Variants in KCNG4 observed in about 807,000 individuals in gnomAD.
KCNG4 encodes the protein potassium voltage-gated channel modifier subfamily G member 4.
In KCNG4, 30 loss-of-function variants were observed where a neutral mutation model predicts 28.2. That is an observed-to-expected ratio of 1.06 (90% CI 0.80 to 1.44). The LOEUF (loss-of-function observed/expected upper bound fraction) is 1.44. Among genes scored for constraint, KCNG4 ranks in the 40% most tolerant of loss-of-function variants. The pLI, the probability that KCNG4 is intolerant of heterozygous loss-of-function variation, is 0.00. For synonymous variants in KCNG4, 375 were observed against 315.5 expected, an observed-to-expected ratio of 1.19 and a Z score of -2.00; for missense variants, 879 against 712.3, an observed-to-expected ratio of 1.23 and a Z score of -2.66.
rs39554 is a variant in KCNG4 at position 84,220,161 on chromosome 16, G to C, written c.*2056C>G. 0.73 allele frequency: 110,977 copies of C among 152,192 alleles called. 41,544 individuals are homozygous for C. Among genetic ancestry groups the C allele is most frequent in the African/African-American group, 0.91 (37,683 of 41,542 alleles). The allele number at this position is 152,192 out of a possible 1,614,324, so 9.4% of individuals were successfully genotyped here. A position where few individuals can be genotyped will look rare whatever the true frequency, so the allele number is the denominator to read the frequency against. ...GGTGCCTGTGACATGGAATTTCTAC[G>C]CAACGCTTATGGGAATCTGCCTGTC... On this transcript the variant is annotated 3_prime_UTR_variant, in exon 3 of 3. Transcript: ENST00000308251.
chr16:84,228,437 C>T (rs1398351235), intron 2 of KCNG4, among the ~76,000 whole-genome samples: 1 of 152,070 alleles, frequency 6.6e-6, no homozygotes, highest in Non-Finnish European at 1.5e-5. Flanking sequence ...CTCTGAGGCT[C>T]TCCTGGGGCC....
intron 2 of KCNG4, among the ~76,000 whole-genome samples, chr16:84,228,980 G>T (rs539007298): frequency 3.3e-5 from 5 of 152,346 alleles, no homozygotes; most frequent in African/African-American, 1.2e-4. Flanking sequence ...TCTTCTAGAG[G>T]TTCCAGCAAA....
At position 84,222,157 on chromosome 16, in the gene KCNG4, G is replaced by T; in HGVS notation, c.*60C>A. ...CAGGTGGTCTATGCGGGGTACCCTTGAGTGTGTTTCAGGCAGGGTGATGGG... is the reference window on the plus strand; with the variant it reads ...CAGGTGGTCTATGCGGGGTACCCTTTAGTGTGTTTCAGGCAGGGTGATGGG... On this transcript the variant is annotated 3_prime_UTR_variant, in exon 3 of 3. Transcript: ENST00000308251. 1 of 1,543,584 alleles carries T rather than the reference G, an allele frequency of 6.5e-7. No individual in the cohort carries two copies.
At chr16:84,233,405 C>T (rs1224538366) in intron 2 of KCNG4, among the ~76,000 whole-genome samples, 1 of 152,106 alleles carries the variant, frequency 6.6e-6, no homozygotes, top group Non-Finnish European at 1.5e-5. Context: ...CGAAGTGGCC[C>T]AGAATTGAAA....
intron 2 of KCNG4, among the ~76,000 whole-genome samples, chr16:84,228,135 G>A (rs1442210605): frequency 6.6e-6 from 1 of 152,226 alleles, no homozygotes; most frequent in Non-Finnish European, 1.5e-5. Context: ...GGCTTCCTGA[G>A]GGCAAAGCTG....
rs770214632 is a variant in KCNG4, at chr16:84,237,465, G to C, written c.21C>G (p.Asp7Glu). 5.3e-6 allele frequency: 8 copies of C among 1,499,350 alleles called. No homozygotes were observed. In the Admixed American group the frequency reaches 1.6e-4, roughly 31 times the overall value. 92.9% of individuals were successfully genotyped at this position (1,499,350 alleles called of 1,614,324 possible). The part of the protein sequence containing the change: MPMPSR[D>E]GGLHPRHHHY... ...GGTGGTGTCTGGGATGCAGGCCCCC[G>C]TCTCTGGAAGGCATGGGCATTGCTG... is the stretch of plus-strand genomic sequence containing the variant. The change falls in exon 2 of 3, where the codon GAC (aspartate) becomes GAG (glutamate). Residue 7 changes from aspartate to glutamate, a missense_variant. Physicochemically the swap from Asp to Glu is conservative, Grantham distance 45. Coordinates refer to ENST00000308251, the MANE Select transcript of KCNG4 (RefSeq NM_172347.3).
chr16:84,222,600 C>A lies in KCNG4; in HGVS notation c.1177G>T (p.Glu393Ter). 2 of 1,613,338 alleles carry A rather than the reference C, an allele frequency of 1.2e-6. No individual in the cohort carries two copies. The highest frequency in any genetic ancestry group is 1.6e-4 in the Middle Eastern group (1 of 6,062). ...TLFSPLVYVAEKESGRVLEFT... is the reference protein window; with the variant it reads ...TLFSPLVYVA Reference sequence around the variant, plus strand: ...TCCAGCACCCGCCCGGACTCCTTCTCGGCCACGTAGACCAAAGGGGAGAAG... The same window carrying A: ...TCCAGCACCCGCCCGGACTCCTTCTAGGCCACGTAGACCAAAGGGGAGAAG... The change falls in exon 3 of 3, where the codon GAG becomes TAG. Residue 393 changes from glutamate (E) to a stop codon, truncating the protein, a stop_gained. Coordinates refer to ENST00000308251, the MANE Select transcript of KCNG4 (RefSeq NM_172347.3). LOFTEE classifies it high-confidence loss of function.
chr16:84,238,555 T>C (rs2151341676), intron 1 of KCNG4, among the ~76,000 whole-genome samples: 1 of 152,328 alleles, frequency 6.6e-6, no homozygotes, highest in East Asian at 1.9e-4. Flanking sequence ...TCCCCCTCTC[T>C]GGGCCCGCAG....
chr16:84,222,944 C>G lies in KCNG4; in HGVS notation c.833G>C (p.Cys278Ser). The G allele has an allele frequency of 1.3e-6, 2 of 1,589,950 alleles. No individual in the cohort carries two copies. The highest frequency in any genetic ancestry group is 1.7e-6 in the Non-Finnish European group (2 of 1,167,154). The change falls in exon 3 of 3, where the codon TGC (cysteine) becomes TCC (serine). Residue 278 changes from cysteine to serine, a missense_variant. Cys to Ser is a moderately radical substitution (Grantham distance 112, BLOSUM62 -1). Transcript: ENST00000308251. ...GTCTTGGGCCTGGACAAACCGCAGG[C>G]AGAACTCCAGGGAGAACCAGGCCAC... is the stretch of plus-strand genomic sequence containing the variant. Reference protein sequence around the residue: ...ICVAWFSLEFCLRFVQAQDKC... With the variant: ...ICVAWFSLEFSLRFVQAQDKC...
chr16:84,223,059 G>A (rs1904618399), intron 2 of KCNG4, 39 bp from the exon 3 acceptor site: 1 of 1,465,728 alleles, frequency 6.8e-7, no homozygotes, highest in Non-Finnish European at 9.2e-7. Flanking sequence ...GTAGAGAGTG[G>A]ACTTGCAACT....
rs763545821 is a variant in KCNG4, at chr16:84,237,214, C to T, written c.272G>A (p.Cys91Tyr). The T allele has an allele frequency of 6.2e-7, 1 of 1,614,170 alleles. No homozygotes were observed. The highest frequency in any genetic ancestry group is 8.5e-7 in the Non-Finnish European group (1 of 1,180,048). ...CTGCACGATCTCCTCGTAGCTCCGA[C>T]AGAGCCTGAGTTTGCTCAGGCGGCT... Reference protein sequence around the residue: ...PLSRLSKLRLCRSYEEIVQLC... With the variant: ...PLSRLSKLRLYRSYEEIVQLC... The change falls in exon 2 of 3, where the codon TGT (cysteine) becomes TAT (tyrosine). Residue 91 changes from cysteine to tyrosine, a missense_variant. Coordinates refer to ENST00000308251, the MANE Select transcript of KCNG4 (RefSeq NM_172347.3).
Position 84,221,102 on chromosome 16 carries a change from G to C in KCNG4, c.*1115C>G, listed in dbSNP as rs1343252179. ...TCTCCAGTGACTCAGACCTCCATCT[G>C]CCTCCTCCCCTGGATGCAAAGGACA... On this transcript the variant is annotated 3_prime_UTR_variant, in exon 3 of 3. Transcript: ENST00000308251. 1 of 152,306 alleles carries C rather than the reference G, an allele frequency of 6.6e-6. No individual in the cohort carries two copies. Among genetic ancestry groups the C allele is most frequent in the Non-Finnish European group, 1.5e-5 (1 of 68,144 alleles). The allele number at this position is 152,306 out of a possible 1,614,324, so 9.4% of individuals were successfully genotyped here.
In KCNG4 at chr16:84,220,880, A is replaced by T. The variant is rs1404935777; in HGVS notation, c.*1337T>A. ...TCCAGCCTCATCATCTCCCTAACCC[A>T]CAGCCTGTGCACATCACTCTGCCCT... On this transcript the variant is annotated 3_prime_UTR_variant, in exon 3 of 3. Coordinates refer to ENST00000308251, the MANE Select transcript of KCNG4 (RefSeq NM_172347.3). The T allele has an allele frequency of 3.3e-5, 5 of 152,232 alleles. No individual in the cohort carries two copies. Among genetic ancestry groups the T allele is most frequent in the Non-Finnish European group, 5.9e-5 (4 of 68,100 alleles). The allele number at this position is 152,232 out of a possible 1,614,324, so 9.4% of individuals were successfully genotyped here.
At chr16:84,227,623 A>T (rs1231341330) in intron 2 of KCNG4, among the ~76,000 whole-genome samples, 4 of 152,206 alleles carry the variant, frequency 2.6e-5, no homozygotes, top group African/African-American at 7.2e-5. Flanking sequence ...TGTACACAAA[A>T]GTCCATGGTA....
At chr16:84,231,437 G>T (rs989982867) in intron 2 of KCNG4, among the ~76,000 whole-genome samples, 3 of 152,198 alleles carry the variant, frequency 2.0e-5, no homozygotes, top group Non-Finnish European at 4.4e-5. Flanking sequence ...CTGCCAGGAG[G>T]GAGGGAAAGG....
Position 84,237,195 on chromosome 16 carries a change from G to A in KCNG4, c.291C>T (p.Ile97=), listed in dbSNP as rs756630407. The change falls in exon 2 of 3, where the codon ATC becomes ATT. Residue 97 remains isoleucine, a synonymous_variant. Coordinates refer to ENST00000308251, the MANE Select transcript of KCNG4 (RefSeq NM_172347.3). ...KLRLCRSYEE[I]VQLCDDYDED... ...CGTCGTAATCATCGCAGAGCTGCAC[G>A]ATCTCCTCGTAGCTCCGACAGAGCC... The A allele has an allele frequency of 1.9e-6, 3 of 1,614,146 alleles. No homozygotes were observed. Among genetic ancestry groups the A allele is most frequent in the Non-Finnish European group, 2.5e-6 (3 of 1,180,040 alleles).
chr16:84,237,941 T>TA (rs1278421077), intron 1 of KCNG4, among the ~76,000 whole-genome samples: 1 of 152,048 alleles, frequency 6.6e-6, no homozygotes, highest in Non-Finnish European at 1.5e-5. Context: ...GTACAGGTAG[T>TA]AAAAATAGAG....
intron 2 of KCNG4, among the ~76,000 whole-genome samples, chr16:84,227,739 A>G (rs146347662): frequency 6.8e-4 from 103 of 152,382 alleles, no homozygotes; most frequent in Admixed American, 1.2e-3. Flanking sequence ...GTAGTCAGCC[A>G]TGAAAAGGAA....
At chr16:84,231,764 G>A (rs1904832722) in intron 2 of KCNG4, among the ~76,000 whole-genome samples, 1 of 152,112 alleles carries the variant, frequency 6.6e-6, no homozygotes, top group Non-Finnish European at 1.5e-5. Context: ...AGCACTTTGG[G>A]AGGCAGAGGA....
Sources: allele counts gnomAD v4.1 joint callset (sites outside exome capture counted in the v4.1 genomes callset), GRCh38; gene constraint gnomAD v4.1.1; transcripts MANE v1.5; gene names NCBI Gene and HGNC (gene_info 2026-07-23, HGNC 2026-07-21).